Variants in DTX1 observed in about 807,000 individuals in gnomAD.
DTX1 encodes the protein E3 ubiquitin-protein ligase DTX1.
DTX1 carries 26 observed loss-of-function variants against 57.8 expected under a neutral mutation model. That is an observed-to-expected ratio of 0.45 (90% CI 0.33 to 0.62). The LOEUF is 0.62. Among genes scored for constraint, DTX1 ranks in the 20% least tolerant of loss-of-function variants. The pLI, the probability that DTX1 is intolerant of heterozygous loss-of-function variation, is 0.02. For synonymous variants in DTX1, 398 were observed against 394.1 expected (o/e 1.01, Z -0.12); for missense variants, 704 against 895.3 (o/e 0.79, Z 2.73).
chr12:113,066,921 C>T (rs75296180), intron 2 of DTX1, among the ~76,000 whole-genome samples: 4,169 of 152,104 alleles, frequency 0.027, 107 homozygotes, highest in African/African-American at 0.064. Context: ...CTCTAGGTCC[C>T]GCATAGTTGT....
At chr12:113,062,670 A>G (rs558633188) in intron 2 of DTX1, among the ~76,000 whole-genome samples, 2 of 152,314 alleles carry the variant, frequency 1.3e-5, no homozygotes, top group African/African-American at 2.4e-5. Context: ...GTGCGTACAC[A>G]CACACAGCAC....
At chr12:113,091,614 G>C (rs976321633) in intron 3 of DTX1, among the ~76,000 whole-genome samples, 6 of 125,204 alleles carry the variant, frequency 4.8e-5, no homozygotes, top group African/African-American at 1.3e-4. Context: ...TGTGTGCCCT[G>C]GGTGTGTATG....
At position 113,093,998 on chromosome 12, in the gene DTX1, C is replaced by T. The variant is rs1230702678; in HGVS notation, c.1166-40C>T. 2 of 1,561,028 alleles carry T rather than the reference C, an allele frequency of 1.3e-6. No individual in the cohort carries two copies. Among genetic ancestry groups the T allele is most frequent in the South Asian group, 1.2e-5 (1 of 84,826 alleles). ...TCTGAGCCAAGCCTTCGGGGACAGA[C>T]TCTGGGTACCCTCAAACCCACCCCG... On this transcript the variant is annotated intron_variant, in intron 5 of 9. Coordinates refer to ENST00000548759, the MANE Select transcript of DTX1 (RefSeq NM_004416.3). The surrounding 1 kb of genome is among the most constrained non-coding windows in gnomAD (Gnocchi z 4.2).
intron 2 of DTX1, among the ~76,000 whole-genome samples, chr12:113,068,589 T>C (rs2136426574): frequency 6.6e-6 from 1 of 152,124 alleles, no homozygotes; most frequent in African/African-American, 2.4e-5. Flanking sequence ...TAGCTGGAAT[T>C]TTGGTGTGGT....
At chr12:113,092,198 A>C (rs1360626387) in intron 3 of DTX1, among the ~76,000 whole-genome samples, 5 of 152,276 alleles carry the variant, frequency 3.3e-5, no homozygotes, top group Non-Finnish European at 4.4e-5. Context: ...AAAGAGGTGA[A>C]ATTACTCGGC....
chr12:113,092,382 G>A (rs1566020860), intron 3 of DTX1, among the ~76,000 whole-genome samples: 1 of 151,596 alleles, frequency 6.6e-6, no homozygotes, highest in Admixed American at 6.6e-5. Flanking sequence ...CCTTACAAGA[G>A]ATGAGATGAT....
At chr12:113,079,484 C>T (rs1233455697) in intron 3 of DTX1, among the ~76,000 whole-genome samples, 1 of 148,262 alleles carries the variant, frequency 6.7e-6, no homozygotes, top group Non-Finnish European at 1.5e-5. Flanking sequence ...AGTCTGACTT[C>T]CTGGGTTCGA....
At chr12:113,086,761 A>G (rs770840978) in intron 3 of DTX1, among the ~76,000 whole-genome samples, 3 of 152,090 alleles carry the variant, frequency 2.0e-5, no homozygotes, top group Non-Finnish European at 4.4e-5. Context: ...GGGGTTTGAA[A>G]ATGTTAAAGT....
intron 6 of DTX1, 61 bp downstream of exon 6, chr12:113,094,160 C>G: frequency 6.8e-7 from 1 of 1,474,892 alleles, no homozygotes; most frequent in Non-Finnish European, 9.2e-7. Flanking sequence ...GGAACCCTCA[C>G]CCCTCCTCCT....
chr12:113,061,778 T>A (rs1295544775), intron 2 of DTX1, among the ~76,000 whole-genome samples: 1 of 152,058 alleles, frequency 6.6e-6, no homozygotes, highest in Non-Finnish European at 1.5e-5. Flanking sequence ...GTCGGCTCAC[T>A]GCAGCCTCTT....
intron 2 of DTX1, among the ~76,000 whole-genome samples, chr12:113,070,178 T>C (rs11611469): frequency 2.0e-5 from 3 of 152,156 alleles, no homozygotes; most frequent in African/African-American, 7.2e-5. Context: ...ACACACTCTT[T>C]CGCTTGAATG....
chr12:113,058,509 G>A (rs556497776), intron 2 of DTX1, 58 bp downstream of exon 2: 24 of 1,534,912 alleles, frequency 1.6e-5, no homozygotes, highest in African/African-American at 8.2e-5. Flanking sequence ...ACCTTGCAGC[G>A]TAGGATGCTG....
At position 113,093,898 on chromosome 12, in the gene DTX1, C is replaced by T; in HGVS notation, c.1166-140C>T. 4 of 1,429,424 alleles carry T rather than the reference C, an allele frequency of 2.8e-6. No homozygotes were observed. The highest frequency in any genetic ancestry group is 3.8e-6 in the Non-Finnish European group (4 of 1,039,094). 88.5% of individuals were successfully genotyped at this position (1,429,424 alleles called of 1,614,324 possible). ...CTCCAGCAACCCCTGACCTCTGACCCTGGCCAACCCTTGCCAGCCTGACCC... is the reference window on the plus strand; with the variant it reads ...CTCCAGCAACCCCTGACCTCTGACCTTGGCCAACCCTTGCCAGCCTGACCC... On this transcript the variant is annotated intron_variant, in intron 5 of 9. Transcript: ENST00000548759. The surrounding 1 kb of genome is among the most constrained non-coding windows in gnomAD (Gnocchi z 4.2).
rs558948842 is a variant in DTX1, at chr12:113,060,833, C to T, written c.259+2382C>T. Among the ~76,000 whole-genome samples, 4 of 152,152 alleles carry T rather than the reference C, an allele frequency of 2.6e-5. No individual in the cohort carries two copies. In the South Asian group the frequency reaches 8.3e-4, roughly 31 times the overall value. On this transcript the variant is annotated intron_variant, in intron 2 of 9. Transcript: ENST00000548759. ...GAGCAGAAGTGGGTAGGTGTCACTC[C>T]TTGCTAGGAGGTCTGGTGTTCTGCA...
At chr12:113,095,566 C>A in intron 9 of DTX1, 152 bp downstream of exon 9, 1 of 893,194 alleles carries the variant, frequency 1.1e-6, no homozygotes, top group Middle Eastern at 2.8e-4. Flanking sequence ...CAGCCACCTC[C>A]TTCACACATC....
chr12:113,096,842 A>G lies in DTX1; in HGVS notation c.1766A>G (p.Asn589Ser). 6.2e-7 allele frequency: 1 copy of G among 1,613,898 alleles called. No individual in the cohort carries two copies. The highest frequency in any genetic ancestry group is 1.1e-5 in the South Asian group (1 of 91,078). ...CACCACAAGACCGAGTTTGGATCCAACCTCACGGGCCACGGCTACCCGGAC... is the reference window on the plus strand; with the variant it reads ...CACCACAAGACCGAGTTTGGATCCAGCCTCACGGGCCACGGCTACCCGGAC... ...EIHHKTEFGS[N>S]LTGHGYPDAS... The change falls in exon 10 of 10, where the codon AAC becomes AGC. Residue 589 changes from asparagine to serine, a missense_variant. Coordinates refer to ENST00000548759, the MANE Select transcript of DTX1 (RefSeq NM_004416.3).
At position 113,096,876 on chromosome 12, in the gene DTX1, C is replaced by T. The variant is rs151237120; in HGVS notation, c.1800C>T (p.Tyr600=). Reference sequence around the variant, plus strand: ...GCCACGGCTACCCGGACGCTAGCTACCTAGACAACGTGCTGGCTGAGCTCA... The same window carrying T: ...GCCACGGCTACCCGGACGCTAGCTATCTAGACAACGTGCTGGCTGAGCTCA... The part of the protein sequence containing the change: ...LTGHGYPDAS[Y]LDNVLAELTA... The change falls in exon 10 of 10, where the codon TAC becomes TAT. Residue 600 remains tyrosine (Y), a synonymous_variant. Coordinates refer to ENST00000548759, the MANE Select transcript of DTX1 (RefSeq NM_004416.3). 1.9e-6 allele frequency: 3 copies of T among 1,613,720 alleles called. No homozygotes were observed. The highest frequency in any genetic ancestry group is 1.7e-6 in the Non-Finnish European group (2 of 1,180,040).
chr12:113,067,315 C>A (rs1487536745), intron 2 of DTX1, among the ~76,000 whole-genome samples: 1 of 152,088 alleles, frequency 6.6e-6, no homozygotes, highest in African/African-American at 2.4e-5. Flanking sequence ...TTGCCCTCCC[C>A]AGCTTCCTCT....
At position 113,058,417 on chromosome 12, in the gene DTX1, C is replaced by T. The variant is rs376244804; in HGVS notation, c.225C>T (p.Asp75=). ...CCCAGCTTGTGCCCTACATCATCGA[C>T]CTGCAGTCCATGCACCAGTTTCGCC... ...VDAQLVPYII[D]LQSMHQFRQD... is the part of the protein sequence containing the mutation. The change falls in exon 2 of 10, where the codon GAC becomes GAT. Residue 75 remains aspartate (D), a synonymous_variant. Coordinates refer to ENST00000548759, the MANE Select transcript of DTX1 (RefSeq NM_004416.3). 2 of 1,605,942 alleles carry T rather than the reference C, an allele frequency of 1.2e-6. No homozygotes were observed. Among genetic ancestry groups the T allele is most frequent in the Non-Finnish European group, 1.7e-6 (2 of 1,179,804 alleles).
Sources: allele counts gnomAD v4.1 joint callset (sites outside exome capture counted in the v4.1 genomes callset), GRCh38; gene constraint gnomAD v4.1.1; non-coding constraint Gnocchi (gnomAD v3.1); transcripts MANE v1.5; gene names NCBI Gene and HGNC (gene_info 2026-07-23, HGNC 2026-07-21).